The following PTAR1 variants were observed in gnomAD, a reference collection of about 807,000 sequenced individuals.
PTAR1 encodes protein prenyltransferase alpha subunit repeat-containing protein 1.
A neutral mutation model predicts 45.5 loss-of-function variants in PTAR1; 17 were observed. The ratio of observed to expected loss-of-function variants is 0.37; its 90% confidence interval spans 0.26 to 0.56. The LOEUF (loss-of-function observed/expected upper bound fraction) is 0.56, where lower values mean the gene tolerates loss of function less well. Ranked by LOEUF, PTAR1 falls within the 20% of genes least tolerant of loss-of-function variation. The pLI, the probability that PTAR1 is intolerant of heterozygous loss-of-function variation, is 0.77. For synonymous variants in PTAR1, 169 were observed against 171.3 expected (o/e 0.99, Z 0.11); for missense variants, 391 against 476.3 (o/e 0.82, Z 1.67).
At chr9:69,758,655 A>T (rs1283861942) in intron 1 of PTAR1, 2 of 391,392 alleles carry the variant, frequency 5.1e-6, no homozygotes, top group African/African-American at 2.1e-5. Flanking sequence ...ATTGTGTGCC[A>T]CAAGGGAGCA....
At chr9:69,753,727 GA>G (rs1452534506) in intron 1 of PTAR1, among the ~76,000 whole-genome samples, 1 of 152,158 alleles carries the variant, frequency 6.6e-6, no homozygotes, top group African/African-American at 2.4e-5. Context: ...GCACTAGGGG[GA>G]AAAACACATG....
chr9:69,753,495 G>A (rs754023558), intron 1 of PTAR1, among the ~76,000 whole-genome samples: 10 of 152,152 alleles, frequency 6.6e-5, no homozygotes, highest in Admixed American at 2.6e-4. Context: ...GTCCTGGATG[G>A]AAATAGATAT....
chr9:69,718,604 G>C (rs764823734), intron 7 of PTAR1, 36 bp from the exon 8 acceptor site: 3 of 1,613,284 alleles, frequency 1.9e-6, no homozygotes, highest in African/African-American at 1.3e-5. Context: ...AGTCCCCCCA[G>C]GGCTGTCTGC....
At chr9:69,721,519 A>G (rs1007511270) in intron 6 of PTAR1, among the ~76,000 whole-genome samples, 2 of 152,262 alleles carry the variant, frequency 1.3e-5, no homozygotes, top group African/African-American at 4.8e-5. Flanking sequence ...ATAAAGCAGC[A>G]GCAAGGTTTA....
At chr9:69,731,264 C>T (rs1014936648) in intron 5 of PTAR1, among the ~76,000 whole-genome samples, 4 of 152,134 alleles carry the variant, frequency 2.6e-5, no homozygotes, top group African/African-American at 9.7e-5. Flanking sequence ...AATTACATAA[C>T]ACTTCCCCAC....
At chr9:69,721,659 A>G (rs1825013089) in intron 6 of PTAR1, among the ~76,000 whole-genome samples, 1 of 152,204 alleles carries the variant, frequency 6.6e-6, no homozygotes, top group Non-Finnish European at 1.5e-5. Context: ...GGAAATTGCC[A>G]CAGCCACCCC....
In PTAR1 at chr9:69,709,831, A is replaced by G. The variant is rs534270815; in HGVS notation, c.*8511T>C. 3 of 152,270 alleles carry G rather than the reference A, an allele frequency of 2.0e-5. No homozygotes were observed. The East Asian group carries it at 5.8e-4, about 29-fold the overall frequency. The allele number at this position is 152,270 out of a possible 1,614,324, so 9.4% of individuals were successfully genotyped here. On this transcript the variant is annotated 3_prime_UTR_variant, in exon 8 of 8. Coordinates refer to ENST00000340434, the MANE Select transcript of PTAR1 (RefSeq NM_001099666.2). ...ACAAAATAGGTAAGATATACAATTA[A>G]CATGCAATTTAAGCTATATTATTTT...
intron 3 of PTAR1, among the ~76,000 whole-genome samples, chr9:69,736,715 C>A (rs1825805662): frequency 6.6e-6 from 1 of 151,838 alleles, no homozygotes; most frequent in South Asian, 2.1e-4. Flanking sequence ...AGGCAGTTAC[C>A]CTACAACTGA....
intron 1 of PTAR1, chr9:69,758,782 C>G (rs765584374): frequency 4.6e-6 from 1 of 218,818 alleles, no homozygotes; most frequent in South Asian, 5.1e-5. Flanking sequence ...GGTTAGAATA[C>G]TTAAAAAAAA....
In PTAR1 at chr9:69,741,780, A is replaced by G; in HGVS notation, c.323+12T>C. ...GACAAACTTTATCATATCACTAATG[A>G]AAATGACATACCTCACGTTCCATGC... is the stretch of plus-strand genomic sequence containing the variant. On this transcript the variant is annotated intron_variant, in intron 3 of 7. Transcript: ENST00000340434. 6.4e-7 allele frequency: 1 copy of G among 1,569,892 alleles called. No individual in the cohort carries two copies. The highest frequency in any genetic ancestry group is 8.7e-7 in the Non-Finnish European group (1 of 1,147,490).
chr9:69,747,805 T>C (rs986776630), intron 2 of PTAR1, among the ~76,000 whole-genome samples: 4 of 152,170 alleles, frequency 2.6e-5, no homozygotes, highest in Non-Finnish European at 5.9e-5. Flanking sequence ...CACCAAAATG[T>C]ATCTAGATTA....
chr9:69,750,143 G>C (rs924505040), intron 2 of PTAR1, among the ~76,000 whole-genome samples: 2 of 151,766 alleles, frequency 1.3e-5, no homozygotes, highest in Non-Finnish European at 2.9e-5. Flanking sequence ...CAAGAAAAGA[G>C]ACCAGATGGA....
At chr9:69,738,357 CACT>C (rs1247104799) in intron 3 of PTAR1, among the ~76,000 whole-genome samples, 8 of 152,142 alleles carry the variant, frequency 5.3e-5, no homozygotes, top group Non-Finnish European at 1.2e-4. Context: ...GCAAGAAAGT[CACT>C]GATTTTTTTA....
At chr9:69,746,765 A>C (rs973646397) in intron 2 of PTAR1, among the ~76,000 whole-genome samples, 1 of 152,234 alleles carries the variant, frequency 6.6e-6, no homozygotes, top group Non-Finnish European at 1.5e-5. Flanking sequence ...AACAAGGAGA[A>C]GATAAAAGGA....
Position 69,718,539 on chromosome 9 carries a change from C to A in PTAR1, c.1012G>T (p.Val338Leu). 1.2e-6 allele frequency: 2 copies of A among 1,613,760 alleles called. No homozygotes were observed. The highest frequency in any genetic ancestry group is 1.7e-6 in the Non-Finnish European group (2 of 1,179,710). ...TTGCTAGAGTCATTCAGTCCATCTA[C>A]TTCCATTGCTTGAGACAGCTGGGAG... is the stretch of plus-strand genomic sequence containing the variant. ...AGSQLSQAME[V>L]DGLNDSSKQG... The change falls in exon 8 of 8, where the codon GTA becomes TTA. Residue 338 changes from valine to leucine, a missense_variant. Physicochemically the swap from Val to Leu is conservative, Grantham distance 32. Transcript: ENST00000340434.
Position 69,747,370 on chromosome 9 carries a change from AACC to A in PTAR1, c.256+3408_256+3410del, listed in dbSNP as rs375464770. ...TGTGTATGCACGTGCATGTGCTGGC[AACC>A]ACACTGATAATGCCAACATTAAGAC... On this transcript the variant is annotated intron_variant, in intron 2 of 7. Transcript: ENST00000340434. Among the ~76,000 whole-genome samples, 56 of 152,356 alleles carry A rather than the reference AACC, an allele frequency of 3.7e-4. No homozygotes were observed. In the East Asian group the frequency reaches 9.4e-3, roughly 26 times the overall value.
chr9:69,734,286 T>G, intron 3 of PTAR1, 32 bp from the exon 4 acceptor site: 1 of 506,070 alleles, frequency 2.0e-6, no homozygotes, highest in Non-Finnish European at 3.0e-6. Flanking sequence ...AAAAAAAAAA[T>G]TAAACATTAC....
At position 69,741,909 on chromosome 9, in the gene PTAR1, C is replaced by T. The variant is rs995598327; in HGVS notation, c.257-51G>A. The stretch of plus-strand genomic sequence containing the variant: ...AAACAAATAGTCCTACCTTTTAAAG[C>T]TTGGCTTCTCATTCTTTTAAGGTTC... On this transcript the variant is annotated intron_variant, in intron 2 of 7. Coordinates refer to ENST00000340434, the MANE Select transcript of PTAR1 (RefSeq NM_001099666.2). The T allele has an allele frequency of 7.0e-6, 8 of 1,142,104 alleles. No individual in the cohort carries two copies. The African/African-American group carries it at 1.2e-4, about 18-fold the overall frequency. The allele number at this position is 1,142,104 out of a possible 1,614,324, so 70.7% of individuals were successfully genotyped here.
chr9:69,732,949 A>T (rs1825608302), intron 4 of PTAR1, among the ~76,000 whole-genome samples: 1 of 152,210 alleles, frequency 6.6e-6, no homozygotes, highest in African/African-American at 2.4e-5. Context: ...ATTTGCATTA[A>T]CATGTATTTA....
Sources: allele counts gnomAD v4.1 joint callset (sites outside exome capture counted in the v4.1 genomes callset), GRCh38; gene constraint gnomAD v4.1.1; transcripts MANE v1.5; gene names NCBI Gene and HGNC (gene_info 2026-07-23, HGNC 2026-07-21).